Variants in RAPGEF1 observed in about 807,000 individuals in gnomAD.
The protein encoded by RAPGEF1 is CRK SH3-binding GNRP.
A neutral mutation model predicts 143.3 loss-of-function variants in RAPGEF1; 33 were observed. That is an observed-to-expected ratio of 0.23 (90% CI 0.17 to 0.31). The LOEUF (loss-of-function observed/expected upper bound fraction) is 0.31. RAPGEF1 is among the 10% of genes least tolerant of loss of function. The pLI, the probability that RAPGEF1 is intolerant of heterozygous loss-of-function variation, is 1.00. For synonymous variants in RAPGEF1, 629 were observed against 676.5 expected (o/e 0.93, Z 1.09); for missense variants, 1,199 against 1,645.4 (o/e 0.73, Z 4.69).
At chr9:131,632,133 C>CTTT (rs751438145) in intron 5 of RAPGEF1, among the ~76,000 whole-genome samples, 1 of 144,426 alleles carries the variant, frequency 6.9e-6, no homozygotes, top group Non-Finnish European at 1.5e-5. Context: ...GAGACTCTCT[C>CTTT]TTTTTTTTTT....
At position 131,628,696 on chromosome 9, in the gene RAPGEF1, G is replaced by A. The variant is rs550180292; in HGVS notation, c.894-24C>T. 2.5e-6 allele frequency: 4 copies of A among 1,577,528 alleles called. No homozygotes were observed. Among genetic ancestry groups the A allele is most frequent in the African/African-American group, 2.7e-5 (2 of 74,206 alleles). The stretch of plus-strand genomic sequence containing the variant: ...GACTGAAACAGACCGAAACGTCCAG[G>A]CAGACCAAACCACACTCACCAAAGC... On this transcript the variant is annotated intron_variant, in intron 7 of 26. Transcript: ENST00000683357. This position sits in a 1 kb window ranked among gnomAD's most constrained non-coding sequence, Gnocchi z 5.7.
At chr9:131,721,441 G>C (rs531795814) in intron 1 of RAPGEF1, among the ~76,000 whole-genome samples, 8 of 152,156 alleles carry the variant, frequency 5.3e-5, no homozygotes, top group African/African-American at 1.9e-4. Flanking sequence ...CAAAAATCCA[G>C]AGTCCAACCC....
At position 131,735,658 on chromosome 9, in the gene RAPGEF1, C is replaced by CCGAGGAGGGGATGCAAA. The variant is rs544974800; in HGVS notation, c.61+4095_61+4111dup. ...AAACAAACAAACATGAATCATTTCT[C>CCGAGGAGGGGATGCAAA]CGAGGAGGGGATGCAAACGCAAATG... On this transcript the variant is annotated intron_variant, in intron 1 of 26. Transcript: ENST00000683357. Among the ~76,000 whole-genome samples, 334 of 152,256 alleles carry CCGAGGAGGGGATGCAAA rather than the reference C, an allele frequency of 2.2e-3. 1 individual carries two copies. Among genetic ancestry groups the CCGAGGAGGGGATGCAAA allele is most frequent in the Middle Eastern group, 6.8e-3 (2 of 294 alleles).
chr9:131,588,478 A>G (rs1261092983), intron 20 of RAPGEF1, among the ~76,000 whole-genome samples: 1 of 152,220 alleles, frequency 6.6e-6, no homozygotes, highest in Non-Finnish European at 1.5e-5. Flanking sequence ...GGGACGGGCC[A>G]CAGACTGGCA....
intron 15 of RAPGEF1, among the ~76,000 whole-genome samples, chr9:131,601,595 T>C (rs1337666848): frequency 5.3e-5 from 8 of 152,130 alleles, no homozygotes; most frequent in Non-Finnish European, 1.2e-4. Context: ...TGAGCTTGTA[T>C]TATTTGAGAA....
At chr9:131,586,234 C>CT in intron 22 of RAPGEF1, among the ~76,000 whole-genome samples, 1 of 131,042 alleles carries the variant, frequency 7.6e-6, no homozygotes, top group Non-Finnish European at 1.6e-5. Context: ...ACACACACAC[C>CT]TGCAGAGCAA....
intron 1 of RAPGEF1, among the ~76,000 whole-genome samples, chr9:131,715,441 G>C (rs1369835437): frequency 2.0e-5 from 3 of 152,116 alleles, no homozygotes; most frequent in Non-Finnish European, 2.9e-5. Flanking sequence ...AGATGGGACA[G>C]GGCCTTATAG....
chr9:131,685,435 G>C (rs1372415932), intron 1 of RAPGEF1, among the ~76,000 whole-genome samples: 5 of 152,202 alleles, frequency 3.3e-5, no homozygotes, highest in African/African-American at 1.2e-4. Flanking sequence ...ACGGGAATGA[G>C]GGCAAGGAAC....
intron 1 of RAPGEF1, among the ~76,000 whole-genome samples, chr9:131,694,797 C>A (rs1164700627): frequency 7.2e-6 from 1 of 139,482 alleles, no homozygotes; most frequent in African/African-American, 2.7e-5. Context: ...TTCACACTTT[C>A]TTTTTTTTTT....
At chr9:131,699,112 C>T (rs977543929) in intron 1 of RAPGEF1, among the ~76,000 whole-genome samples, 24 of 152,144 alleles carry the variant, frequency 1.6e-4, no homozygotes, top group Non-Finnish European at 2.9e-5. Flanking sequence ...ACCGCAATAC[C>T]CTTAACAACT....
chr9:131,630,379 A>T, intron 5 of RAPGEF1, 55 bp from the exon 6 acceptor site: 1 of 1,564,922 alleles, frequency 6.4e-7, no homozygotes, highest in Non-Finnish European at 8.8e-7. Context: ...CTGAGTTTCC[A>T]CCAGAAGGCA....
chr9:131,737,770 T>C (rs927811408), intron 1 of RAPGEF1, among the ~76,000 whole-genome samples: 15 of 152,000 alleles, frequency 9.9e-5, no homozygotes, highest in Admixed American at 3.3e-4. Flanking sequence ...CGAGACCATA[T>C]TGGCTAACAC....
intron 1 of RAPGEF1, 105 bp downstream of exon 1, chr9:131,739,665 G>A (rs1466762550): frequency 2.3e-5 from 20 of 869,572 alleles, no homozygotes; most frequent in Non-Finnish European, 2.8e-5. Context: ...CCGCCCCGGC[G>A]CACGGAGGGC....
chr9:131,709,379 G>A (rs1366127914), intron 1 of RAPGEF1, among the ~76,000 whole-genome samples: 1 of 152,102 alleles, frequency 6.6e-6, no homozygotes, highest in South Asian at 2.1e-4. Context: ...GACACATACT[G>A]CACCAAATGA....
intron 3 of RAPGEF1, among the ~76,000 whole-genome samples, chr9:131,647,124 G>A (rs570310641): frequency 5.3e-4 from 80 of 152,348 alleles, no homozygotes; most frequent in African/African-American, 1.9e-3. Flanking sequence ...ACACTCTGCA[G>A]CTCACTGCTA....
chr9:131,588,686 T>C, intron 20 of RAPGEF1, 115 bp downstream of exon 20: 1 of 1,130,454 alleles, frequency 8.8e-7, no homozygotes, highest in Non-Finnish European at 1.2e-6. Context: ...AGGCACCTCA[T>C]CAAAGGGCCT....
Position 131,675,768 on chromosome 9 carries a change from T to C in RAPGEF1, c.62-24819A>G, listed in dbSNP as rs1186056114. Among the ~76,000 whole-genome samples, 2 of 152,242 alleles carry C rather than the reference T, an allele frequency of 1.3e-5. No individual in the cohort carries two copies. The highest frequency in any genetic ancestry group is 2.9e-5 in the Non-Finnish European group (2 of 68,034). On this transcript the variant is annotated intron_variant, in intron 1 of 26. Transcript: ENST00000683357. The surrounding 1 kb of genome is among the most constrained non-coding windows in gnomAD (Gnocchi z 4.6). ...AGCCTGTAATTTACTGAGCACTTAC[T>C]ATACGCCAGCCCTGACAGGCAGACA...
chr9:131,651,717 C>A (rs570498771), intron 1 of RAPGEF1, among the ~76,000 whole-genome samples: 2 of 152,258 alleles, frequency 1.3e-5, no homozygotes, highest in Admixed American at 1.3e-4. Flanking sequence ...AGTGAACAAA[C>A]CCACAGGATG....
intron 17 of RAPGEF1, among the ~76,000 whole-genome samples, chr9:131,593,258 CAG>C (rs1339939494): frequency 1.3e-5 from 2 of 152,212 alleles, no homozygotes; most frequent in Admixed American, 6.5e-5. Context: ...CAGGGACTCC[CAG>C]ACTTTCCAGA....
Sources: gnomAD v4.1 joint callset for allele counts (sites outside exome capture counted in the v4.1 genomes callset) on GRCh38, gnomAD v4.1.1 for gene constraint, Gnocchi (gnomAD v3.1) non-coding constraint, MANE v1.5 for transcripts, NCBI Gene and HGNC (gene_info 2026-07-23, HGNC 2026-07-21) for gene names.